The following SHC3 variants were observed in gnomAD, a reference collection of about 807,000 sequenced individuals.
SHC3 encodes the protein SHC-transforming protein 3.
SHC3 carries 15 observed loss-of-function variants against 60.4 expected under a neutral mutation model. The observed-to-expected ratio is 0.25, with a 90% CI of 0.17 to 0.38. The LOEUF is 0.38. Ranked by LOEUF, SHC3 falls within the 10% of genes least tolerant of loss-of-function variation. SHC3 has a pLI of 1.00. For missense variants in SHC3, 677 were observed against 786.1 expected (o/e 0.86, Z 1.66); for synonymous variants, 294 against 325.9 (o/e 0.90, Z 1.05).
At chr9:89,128,199 A>G (rs1331452492) in intron 1 of SHC3, among the ~76,000 whole-genome samples, 3 of 152,340 alleles carry the variant, frequency 2.0e-5, no homozygotes, top group African/African-American at 7.2e-5. Flanking sequence ...AAATAAAGTC[A>G]GTTTTAAAGA....
chr9:89,061,673 C>T lies in SHC3; in HGVS notation c.835+3856G>A, dbSNP rs1825092609. Reference sequence around the variant, plus strand: ...AGTTTCAGTTACCCATGGTCAACCTCAGTCCAAAAACAATAAATGGAAAAT... The same window carrying T: ...AGTTTCAGTTACCCATGGTCAACCTTAGTCCAAAAACAATAAATGGAAAAT... On this transcript the variant is annotated intron_variant, in intron 6 of 11. Transcript: ENST00000375835. Among the ~76,000 whole-genome samples the T allele has an allele frequency of 2.6e-5, 4 of 152,330 alleles. No homozygotes were observed. The South Asian group carries it at 8.3e-4, about 32-fold the overall frequency.
chr9:89,038,471 A>T (rs1824622738), intron 10 of SHC3, among the ~76,000 whole-genome samples, 183 bp from the exon 11 acceptor site: 1 of 152,198 alleles, frequency 6.6e-6, no homozygotes, highest in Non-Finnish European at 1.5e-5. Context: ...CATAACAAGC[A>T]TTGAAAAGCA....
At chr9:89,132,336 A>C (rs1826259028) in intron 1 of SHC3, among the ~76,000 whole-genome samples, 1 of 152,212 alleles carries the variant, frequency 6.6e-6, no homozygotes, top group Non-Finnish European at 1.5e-5. Flanking sequence ...CATACTGCCC[A>C]AGGTAATTTA....
chr9:89,082,423 C>A (rs894172863), intron 2 of SHC3, among the ~76,000 whole-genome samples: 1 of 152,178 alleles, frequency 6.6e-6, no homozygotes, highest in Non-Finnish European at 1.5e-5. Flanking sequence ...AGTTGCTCCT[C>A]AAACACAGCC....
At chr9:89,169,542 A>G (rs1359433804) in intron 1 of SHC3, among the ~76,000 whole-genome samples, 1 of 152,178 alleles carries the variant, frequency 6.6e-6, no homozygotes, top group African/African-American at 2.4e-5. Context: ...TGAGGCCCTC[A>G]TTCCCACTGC....
At chr9:89,019,530 C>T (rs1456919313) in intron 11 of SHC3, among the ~76,000 whole-genome samples, 5 of 152,146 alleles carry the variant, frequency 3.3e-5, no homozygotes, top group Non-Finnish European at 5.9e-5. Context: ...AAAAAAATCT[C>T]CTTGAACTAA....
intron 5 of SHC3, among the ~76,000 whole-genome samples, chr9:89,066,256 G>A (rs1825179040): frequency 1.3e-5 from 2 of 152,176 alleles, no homozygotes; most frequent in Non-Finnish European, 2.9e-5. Flanking sequence ...TGCTCTGGGG[G>A]CCACACTTTG....
At chr9:89,062,206 G>C (rs574368610) in intron 6 of SHC3, among the ~76,000 whole-genome samples, 1 of 152,324 alleles carries the variant, frequency 6.6e-6, no homozygotes, top group Non-Finnish European at 1.5e-5. Flanking sequence ...CGGTAGTAAT[G>C]AAAGTTCCAA....
rs532309412 is a variant in SHC3, at chr9:89,110,408, C to A, written c.545+2148G>T. 5 of 985,214 alleles carry A rather than the reference C, an allele frequency of 5.1e-6. No homozygotes were observed. In the East Asian group the frequency reaches 4.5e-4, roughly 89 times the overall value. The allele number at this position is 985,214 out of a possible 1,614,324, so 61.0% of individuals were successfully genotyped here. A position where few individuals can be genotyped will look rare whatever the true frequency, so the allele number is the denominator to read the frequency against. On this transcript the variant is annotated intron_variant, in intron 2 of 11. Coordinates refer to ENST00000375835, the MANE Select transcript of SHC3 (RefSeq NM_016848.6). ...TTAGGACATTAGATTTCCCTATAAA[C>A]TTCCAAGAATTTCTTTAGTATATAA...
chr9:89,170,137 A>T (rs374441371), intron 1 of SHC3, among the ~76,000 whole-genome samples: 1 of 152,310 alleles, frequency 6.6e-6, no homozygotes, highest in East Asian at 1.9e-4. Flanking sequence ...AGAGGCAGCA[A>T]GGAGGGATGC....
chr9:89,156,316 C>G (rs1274977367), intron 1 of SHC3, among the ~76,000 whole-genome samples: 1 of 152,120 alleles, frequency 6.6e-6, no homozygotes, highest in Non-Finnish European at 1.5e-5. Flanking sequence ...GACCCTCCAG[C>G]CCCAGTCAAA....
At chr9:89,036,069 C>T (rs555672108) in intron 11 of SHC3, among the ~76,000 whole-genome samples, 1 of 151,900 alleles carries the variant, frequency 6.6e-6, no homozygotes, top group East Asian at 1.9e-4. Context: ...AGGGGGAAAC[C>T]TGATGGATTC....
At chr9:89,056,239 C>CTTTTCT (rs1056418234) in intron 6 of SHC3, among the ~76,000 whole-genome samples, 4 of 152,244 alleles carry the variant, frequency 2.6e-5, no homozygotes, top group Admixed American at 2.0e-4. Context: ...TCTTCCATTT[C>CTTTTCT]TTTTCTTTTT....
intron 11 of SHC3, among the ~76,000 whole-genome samples, chr9:89,034,665 A>G (rs190072605): frequency 6.6e-6 from 1 of 152,368 alleles, no homozygotes; most frequent in Non-Finnish European, 1.5e-5. Context: ...GAAACTCAAA[A>G]TAACATGCCA....
intron 2 of SHC3, among the ~76,000 whole-genome samples, chr9:89,096,626 C>T (rs769893239): frequency 2.6e-5 from 4 of 152,172 alleles, no homozygotes; most frequent in Admixed American, 2.6e-4. Context: ...TTCTCTAGTG[C>T]ATATGTATAT....
At chr9:89,136,328 A>G (rs1311901519) in intron 1 of SHC3, among the ~76,000 whole-genome samples, 1 of 152,202 alleles carries the variant, frequency 6.6e-6, no homozygotes, top group Non-Finnish European at 1.5e-5. Flanking sequence ...AAGTTAAGGC[A>G]TTCTAAGTCA....
chr9:89,126,343 T>C (rs1203538633), intron 1 of SHC3, among the ~76,000 whole-genome samples: 1 of 152,166 alleles, frequency 6.6e-6, no homozygotes, highest in Non-Finnish European at 1.5e-5. Context: ...ATTTAGTGGG[T>C]TAGAGGCCCC....
At chr9:89,168,706 G>A (rs978012923) in intron 1 of SHC3, among the ~76,000 whole-genome samples, 6 of 152,184 alleles carry the variant, frequency 3.9e-5, no homozygotes, top group African/African-American at 1.4e-4. Flanking sequence ...CCAGATATTT[G>A]GTTAAACATT....
chr9:89,129,365 TAGCAAGG>T (rs1826209546), intron 1 of SHC3, among the ~76,000 whole-genome samples: 1 of 152,182 alleles, frequency 6.6e-6, no homozygotes, highest in African/African-American at 2.4e-5. Context: ...TTCCCCAACC[TAGCAAGG>T]TAGGCCAACA....
Sources: gnomAD v4.1 joint callset for allele counts (sites outside exome capture counted in the v4.1 genomes callset) on GRCh38, gnomAD v4.1.1 for gene constraint, MANE v1.5 for transcripts, NCBI Gene and HGNC (gene_info 2026-07-23, HGNC 2026-07-21) for gene names.